The following ZBTB46 variants were observed in gnomAD, a reference collection of about 807,000 sequenced individuals.
ZBTB46 encodes the protein zinc finger and BTB domain-containing protein 46.
ZBTB46 carries 8 observed loss-of-function variants against 44.1 expected under a neutral mutation model. The ratio of observed to expected loss-of-function variants is 0.18; its 90% CI spans 0.11 to 0.33. ZBTB46 has a LOEUF of 0.33. Among genes scored for constraint, ZBTB46 ranks in the 10% least tolerant of loss-of-function variants. The pLI, the probability that ZBTB46 is intolerant of heterozygous loss-of-function variation, is 1.00. For synonymous variants in ZBTB46, 409 were observed against 382.3 expected (o/e 1.07, Z -0.81); for missense variants, 651 against 847.7 (o/e 0.77, Z 2.88).
In ZBTB46 at chr20:63,803,525, G is replaced by A; in HGVS notation, c.-33-12735C>T. ...CATGGCAGCCCCCATGTGGCCATCT[G>A]AAGATGCAAAGCCATGTCTGCCGGC... is the stretch of plus-strand genomic sequence containing the variant. On this transcript the variant is annotated intron_variant, in intron 1 of 4. Transcript: ENST00000245663. The surrounding 1 kb of genome is among the most constrained non-coding windows in gnomAD (Gnocchi z 4.0). 1.0e-6 allele frequency: 1 copy of A among 985,232 alleles called. No individual in the cohort carries two copies. Among genetic ancestry groups the A allele is most frequent in the Non-Finnish European group, 1.2e-6 (1 of 829,892 alleles). The allele number at this position is 985,232 out of a possible 1,614,324, so 61.0% of individuals were successfully genotyped here.
rs1460658151 is a variant in ZBTB46 at position 63,743,918 on chromosome 20, T to C, written c.*3012A>G. The C allele has an allele frequency of 6.6e-6, 1 of 152,484 alleles. No individual in the cohort carries two copies. The highest frequency in any genetic ancestry group is 1.5e-5 in the Non-Finnish European group (1 of 68,014). 9.4% of individuals were successfully genotyped at this position (152,484 alleles called of 1,614,324 possible). ...ACAAACACAGGTTTATAATAAGTAA[T>C]AGGAAGTCAATATAATATAGATTAT... On this transcript the variant is annotated 3_prime_UTR_variant, in exon 5 of 5. Coordinates refer to ENST00000245663, the MANE Select transcript of ZBTB46 (RefSeq NM_001369741.1).
At position 63,756,582 on chromosome 20, in the gene ZBTB46, TTATG is replaced by T. The variant is rs1405484270; in HGVS notation, c.1223-3725_1223-3722del. ...ATTATTTTCAAAAACGTTTTAAGCC[TTATG>T]TAAAGTGCAAATACGTATACAGCTC... On this transcript the variant is annotated intron_variant, in intron 3 of 4. Coordinates refer to ENST00000245663, the MANE Select transcript of ZBTB46 (RefSeq NM_001369741.1). Among the ~76,000 whole-genome samples, 3 of 152,264 alleles carry T rather than the reference TTATG, an allele frequency of 2.0e-5. No homozygotes were observed. In the East Asian group the frequency reaches 5.8e-4, roughly 29 times the overall value.
chr20:63,827,505 G>A (rs2092825709), intron 1 of ZBTB46, among the ~76,000 whole-genome samples: 1 of 151,728 alleles, frequency 6.6e-6, no homozygotes, highest in Non-Finnish European at 1.5e-5. Context: ...CTACTCGGGA[G>A]GCTGAGGCAG....
At chr20:63,822,601 T>C (rs1332283842) in intron 1 of ZBTB46, among the ~76,000 whole-genome samples, 1 of 152,072 alleles carries the variant, frequency 6.6e-6, no homozygotes, top group Non-Finnish European at 1.5e-5. Context: ...AGATGCACCA[T>C]CAGTCAACGG....
At chr20:63,761,619 T>C (rs2092278165) in intron 3 of ZBTB46, among the ~76,000 whole-genome samples, 1 of 151,930 alleles carries the variant, frequency 6.6e-6, no homozygotes, top group African/African-American at 2.4e-5. Context: ...CTGTCTCTAC[T>C]AAAAATACAA....
chr20:63,748,864 T>C (rs543081858), intron 4 of ZBTB46, among the ~76,000 whole-genome samples: 1 of 152,336 alleles, frequency 6.6e-6, no homozygotes, highest in South Asian at 2.1e-4. Context: ...AGTACATACA[T>C]AATCAATGTG....
chr20:63,780,851 C>A (rs555085411), intron 2 of ZBTB46, among the ~76,000 whole-genome samples: 1 of 151,408 alleles, frequency 6.6e-6, no homozygotes, highest in Non-Finnish European at 1.5e-5. Context: ...AAAAAGGAGG[C>A]CATGCACAGT....
At chr20:63,778,206 T>C (rs749963497) in intron 2 of ZBTB46, among the ~76,000 whole-genome samples, 23 of 152,182 alleles carry the variant, frequency 1.5e-4, no homozygotes, top group Non-Finnish European at 3.1e-4. Flanking sequence ...GTAAAGCTTC[T>C]ATTTAACAAC....
At chr20:63,815,700 G>A (rs2092748126) in intron 1 of ZBTB46, among the ~76,000 whole-genome samples, 1 of 147,926 alleles carries the variant, frequency 6.8e-6, no homozygotes, top group Non-Finnish European at 1.5e-5. Flanking sequence ...TGCAGGTGCA[G>A]GTGGGCGCAG....
chr20:63,813,537 C>A (rs1443851574), intron 1 of ZBTB46, among the ~76,000 whole-genome samples: 1 of 152,210 alleles, frequency 6.6e-6, no homozygotes, highest in Non-Finnish European at 1.5e-5. Flanking sequence ...AACTGCTCCC[C>A]TGCCACTGCC....
intron 3 of ZBTB46, among the ~76,000 whole-genome samples, chr20:63,764,835 G>C (rs1292519827): frequency 6.6e-6 from 1 of 152,034 alleles, no homozygotes; most frequent in Non-Finnish European, 1.5e-5. Flanking sequence ...CTGACCTCAG[G>C]TGATCTGCCC....
intron 3 of ZBTB46, among the ~76,000 whole-genome samples, chr20:63,762,328 T>C (rs1454694652): frequency 6.6e-6 from 1 of 152,174 alleles, no homozygotes; most frequent in Non-Finnish European, 1.5e-5. Flanking sequence ...TCTCTTTTTT[T>C]AGTTCTGCCA....
chr20:63,815,818 G>A (rs554847338), intron 1 of ZBTB46, among the ~76,000 whole-genome samples: 1 of 146,790 alleles, frequency 6.8e-6, no homozygotes, highest in African/African-American at 2.6e-5. Context: ...GGGCATAGGT[G>A]CAGTGAGTGC....
rs76482380 is a variant in ZBTB46, at chr20:63,789,568, C to T, written c.937+253G>A. ...AGAGGGGCCCAGCCCAGGCAGCCCC[C>T]GTGTGTGGGTGACACCAGTGCCGTG... On this transcript the variant is annotated intron_variant, in intron 2 of 4. Transcript: ENST00000245663. Among the ~76,000 whole-genome samples the T allele has an allele frequency of 4.1e-3, 627 of 152,332 alleles. 5 individuals carry two copies. Among genetic ancestry groups the T allele is most frequent in the African/African-American group, 0.014 (601 of 41,580 alleles).
chr20:63,772,621 A>G (rs953627049), intron 3 of ZBTB46, among the ~76,000 whole-genome samples: 1 of 152,046 alleles, frequency 6.6e-6, no homozygotes, highest in Non-Finnish European at 1.5e-5. Context: ...TGGGAGGCTG[A>G]GGCAGGAGAA....
At position 63,803,057 on chromosome 20, in the gene ZBTB46, G is replaced by A. The variant is rs1483308082; in HGVS notation, c.-33-12267C>T. ...CACAGACGCCAACAGGAGGAAACAC[G>A]TTTCTGGGCAGCTCTGCCCACTCTT... On this transcript the variant is annotated intron_variant, in intron 1 of 4. Transcript: ENST00000245663. This position sits in a 1 kb window ranked among gnomAD's most constrained non-coding sequence, Gnocchi z 4.0. Among the ~76,000 whole-genome samples the A allele has an allele frequency of 6.6e-6, 1 of 152,150 alleles. No individual in the cohort carries two copies. The highest frequency in any genetic ancestry group is 2.4e-5 in the African/African-American group (1 of 41,436).
chr20:63,751,777 G>T (rs1297797098), intron 4 of ZBTB46, among the ~76,000 whole-genome samples: 2 of 91,996 alleles, frequency 2.2e-5, no homozygotes, highest in Non-Finnish European at 4.3e-5. Context: ...CCCCCGGTGG[G>T]TCTCCCCATG....
chr20:63,770,427 T>C (rs1216811790), intron 3 of ZBTB46, among the ~76,000 whole-genome samples: 5 of 152,186 alleles, frequency 3.3e-5, no homozygotes, highest in East Asian at 1.9e-4. Flanking sequence ...ATGAGAAGTA[T>C]GGCAAGTCCT....
intron 1 of ZBTB46, among the ~76,000 whole-genome samples, chr20:63,819,308 G>A (rs1271584362): frequency 6.6e-6 from 1 of 152,184 alleles, no homozygotes; most frequent in Non-Finnish European, 1.5e-5. Flanking sequence ...AGCGCACCCG[G>A]GATGCTAATG....
Sources: allele counts gnomAD v4.1 joint callset (sites outside exome capture counted in the v4.1 genomes callset), GRCh38; gene constraint gnomAD v4.1.1; non-coding constraint Gnocchi (gnomAD v3.1); transcripts MANE v1.5; gene names NCBI Gene and HGNC (gene_info 2026-07-23, HGNC 2026-07-21).